PCM1: variants seen among roughly 807,000 people sequenced by gnomAD.
PCM1 encodes pericentriolar material 1 protein.
In PCM1, 157 loss-of-function variants were observed where a neutral mutation model predicts 241.9. The ratio of observed to expected loss-of-function variants is 0.65; its 90% CI spans 0.57 to 0.74. PCM1 has a LOEUF of 0.74. Among genes scored for constraint, PCM1 ranks in the 30% least tolerant of loss-of-function variants. The pLI, the probability that PCM1 is intolerant of heterozygous loss-of-function variation, is 0.00. For missense variants in PCM1, 3,478 were observed against 2,360.1 expected, an observed-to-expected ratio of 1.47 and a Z score of -9.81; for synonymous variants, 1,085 against 784.9, an observed-to-expected ratio of 1.38 and a Z score of -6.39.
At chr8:17,976,086 C>T (rs184141749) in intron 23 of PCM1, among the ~76,000 whole-genome samples, 1 of 152,246 alleles carries the variant, frequency 6.6e-6, no homozygotes, top group African/African-American at 2.4e-5. Context: ...TTCTTCCTTC[C>T]TCCCTTTCCT....
Position 17,922,996 on chromosome 8 carries a change from A to T in PCM1, c.-283A>T, listed in dbSNP as rs1563518694. 6.6e-6 allele frequency: 1 copy of T among 152,392 alleles called. No individual in the cohort carries two copies. The highest frequency in any genetic ancestry group is 2.4e-5 in the African/African-American group (1 of 41,418). 9.4% of individuals were successfully genotyped at this position (152,392 alleles called of 1,614,324 possible). ...GCCCCTCTTCTCCCACCACAATGAG[A>T]TCCTAAGATGGCGGTGGCTGCGGCG... On this transcript the variant is annotated 5_prime_UTR_variant, in exon 1 of 39. Transcript: ENST00000325083.
Position 17,937,273 on chromosome 8 carries a change from C to G in PCM1, c.236C>G (p.Thr79Ser). Residue 79 changes from threonine to serine, a missense_variant, in exon 4 of 39, where the codon ACT (threonine) becomes AGT (serine). Transcript: ENST00000325083. ...GGAGTTGGAAGGCGAAGAACAAAGACTCCACATACGTTCCCACACAGTAGA... is the reference window on the plus strand; with the variant it reads ...GGAGTTGGAAGGCGAAGAACAAAGAGTCCACATACGTTCCCACACAGTAGA... Reference protein sequence around the residue: ...SPGVGRRRTKTPHTFPHSRYM... With the variant: ...SPGVGRRRTKSPHTFPHSRYM... 3.1e-6 allele frequency: 5 copies of G among 1,610,846 alleles called. No homozygotes were observed. Among genetic ancestry groups the G allele is most frequent in the Non-Finnish European group, 4.2e-6 (5 of 1,177,748 alleles).
chr8:17,969,194 A>G (rs2076057118), intron 21 of PCM1, among the ~76,000 whole-genome samples: 2 of 152,100 alleles, frequency 1.3e-5, no homozygotes, highest in Non-Finnish European at 2.9e-5. Flanking sequence ...TAGACGTTTG[A>G]TTTCTAACCG....
chr8:17,942,296 G>T lies in PCM1; in HGVS notation c.783+2435G>T, dbSNP rs544154740. ...ATCCTGGCCAACATGGCGAAACCCT[G>T]TCTCTACTAAAAATACAAAAATTAG... On this transcript the variant is annotated intron_variant, in intron 6 of 38. Transcript: ENST00000325083. Among the ~76,000 whole-genome samples, 282 of 152,116 alleles carry T rather than the reference G, an allele frequency of 1.9e-3. 1 individual carries two copies. Among genetic ancestry groups the T allele is most frequent in the African/African-American group, 6.7e-3 (276 of 41,496 alleles).
intron 3 of PCM1, 81 bp downstream of exon 3, chr8:17,935,787 C>A (rs2060239822): frequency 1.4e-6 from 1 of 719,318 alleles, no homozygotes; most frequent in South Asian, 1.5e-5. Context: ...ATTTAACTCA[C>A]TGATGCTCTT....
At chr8:18,004,977 T>G (rs1340726149) in intron 29 of PCM1, among the ~76,000 whole-genome samples, 1 of 152,204 alleles carries the variant, frequency 6.6e-6, no homozygotes, top group Non-Finnish European at 1.5e-5. Flanking sequence ...TCACTTCACA[T>G]TATTCAACAT....
intron 2 of PCM1, 73 bp downstream of exon 2, chr8:17,924,853 C>G (rs1012300058): frequency 2.0e-5 from 3 of 152,176 alleles, no homozygotes; most frequent in Admixed American, 2.0e-4. Flanking sequence ...ACACTGCTGT[C>G]ACAGTTACAG....
intron 21 of PCM1, among the ~76,000 whole-genome samples, chr8:17,968,961 C>A (rs1005291302): frequency 6.6e-6 from 1 of 151,992 alleles, no homozygotes; most frequent in African/African-American, 2.4e-5. Context: ...CCCACACCAA[C>A]TCTATATAAA....
At chr8:17,940,096 G>T (rs757664859) in intron 6 of PCM1, 1 of 1,580,514 alleles carries the variant, frequency 6.3e-7, no homozygotes, top group Non-Finnish European at 8.5e-7. Flanking sequence ...TGTGGGATCT[G>T]GTTCTGTAGC....
At chr8:17,962,007 T>G (rs1289911192) in intron 15 of PCM1, 27 bp from the exon 16 acceptor site, 13 of 1,589,756 alleles carry the variant, frequency 8.2e-6, no homozygotes, top group Middle Eastern at 1.7e-4. Flanking sequence ...TAATTCCTCA[T>G]AACGTTTTTT....
chr8:17,935,562 A>G (rs923197990), intron 2 of PCM1, 27 bp from the exon 3 acceptor site: 1 of 791,326 alleles, frequency 1.3e-6, no homozygotes, highest in African/African-American at 1.7e-5. Context: ...ATGTGTTATA[A>G]AGCTCAGTTC....
chr8:17,991,914 T>A (rs1344989364), intron 28 of PCM1, among the ~76,000 whole-genome samples: 1 of 152,174 alleles, frequency 6.6e-6, no homozygotes, highest in Non-Finnish European at 1.5e-5. Context: ...CTTTGCATAC[T>A]CATAGCTTAG....
In PCM1 at chr8:17,937,147, A is replaced by C; in HGVS notation, c.110A>C (p.Gln37Pro). 2.6e-6 allele frequency: 4 copies of C among 1,565,324 alleles called. No individual in the cohort carries two copies. Among genetic ancestry groups the C allele is most frequent in the Non-Finnish European group, 3.5e-6 (4 of 1,153,540 alleles). The change falls in exon 4 of 39, where the codon CAA becomes CCA. Residue 37 changes from glutamine to proline, a missense_variant. Transcript: ENST00000325083. ...DRLNNMDWGAQQKKANRSSEK... is the reference protein window; with the variant it reads ...DRLNNMDWGAPQKKANRSSEK... ...ACTTTTTTAAAGGATTGGGGTGCCC[A>C]ACAGAAGAAAGCAAATAGATCATCA...
At chr8:17,999,353 T>A (rs972095559) in intron 29 of PCM1, among the ~76,000 whole-genome samples, 22 of 152,092 alleles carry the variant, frequency 1.4e-4, no homozygotes, top group African/African-American at 4.8e-4. Context: ...GGCTCTTTAG[T>A]CAGCAGGTTA....
Position 18,014,005 on chromosome 8 carries a change from T to C in PCM1, c.5553T>C (p.Asn1851=), listed in dbSNP as rs1230832611. Residue 1851 remains asparagine (N), a synonymous_variant, in exon 35 of 39, where the codon AAT becomes AAC. Coordinates refer to ENST00000325083, the MANE Select transcript of PCM1 (RefSeq NM_006197.4). ...RDFKKTAESK[N]VPLEREATSK... ...TTAAAAAGACAGCAGAAAGCAAAAA[T>C]GTCCCATTGGAACGAGAAGCCACTA... 9 of 1,604,232 alleles carry C rather than the reference T, an allele frequency of 5.6e-6. No individual in the cohort carries two copies. The East Asian group carries it at 1.1e-4, about 20-fold the overall frequency.
chr8:18,009,527 T>C lies in PCM1; in HGVS notation c.4963-20T>C, dbSNP rs769779064. 15 of 1,510,480 alleles carry C rather than the reference T, an allele frequency of 9.9e-6. No individual in the cohort carries two copies. Among genetic ancestry groups the C allele is most frequent in the African/African-American group, 1.4e-5 (1 of 72,502 alleles). 93.6% of individuals were successfully genotyped at this position (1,510,480 alleles called of 1,614,324 possible). ...TGAAGTTTACTGTCTTTAAAAATTA[T>C]TTGGTTTATCTTTGAATAGGATTCA... On this transcript the variant is annotated intron_variant, in intron 30 of 38. Transcript: ENST00000325083.
intron 6 of PCM1, among the ~76,000 whole-genome samples, chr8:17,940,311 A>G (rs1158331044): frequency 6.6e-6 from 1 of 152,224 alleles, no homozygotes; most frequent in Non-Finnish European, 1.5e-5. Flanking sequence ...GTTCTTCTGT[A>G]TTTAAACACG....
intron 29 of PCM1, among the ~76,000 whole-genome samples, chr8:18,003,058 T>C (rs2090142042): frequency 6.6e-6 from 1 of 152,236 alleles, no homozygotes; most frequent in African/African-American, 2.4e-5. Context: ...TGTTAACTTT[T>C]GCTGAGTAAA....
In PCM1 at chr8:17,957,343, C is replaced by G. The variant is rs1251160286; in HGVS notation, c.1726C>G (p.Arg576Gly). 2.5e-6 allele frequency: 4 copies of G among 1,609,900 alleles called. No individual in the cohort carries two copies. Among genetic ancestry groups the G allele is most frequent in the Non-Finnish European group, 3.4e-6 (4 of 1,176,600 alleles). Residue 576 changes from arginine (R) to glycine (G), a missense_variant, in exon 12 of 39, where the codon CGA becomes GGA. Coordinates refer to ENST00000325083, the MANE Select transcript of PCM1 (RefSeq NM_006197.4). Reference protein sequence around the residue: ...AQCVSNNRDGRTVNSNCEINN... With the variant: ...AQCVSNNRDGGTVNSNCEINN... Reference sequence around the variant, plus strand: ...GTGTGTTTCTAATAATAGAGATGGGCGAACAGTTAATTCTAATTGTGAAAT... The same window carrying G: ...GTGTGTTTCTAATAATAGAGATGGGGGAACAGTTAATTCTAATTGTGAAAT...
Sources: allele counts gnomAD v4.1 joint callset (sites outside exome capture counted in the v4.1 genomes callset), GRCh38; gene constraint gnomAD v4.1.1; transcripts MANE v1.5; gene names NCBI Gene and HGNC (gene_info 2026-07-23, HGNC 2026-07-21).